The following LRRC37A2 variants were observed in gnomAD, a reference collection of about 807,000 sequenced individuals.
The protein encoded by LRRC37A2 is leucine-rich repeat-containing protein 37A2.
A neutral mutation model predicts 68.8 loss-of-function variants in LRRC37A2; 9 were observed. The ratio of observed to expected loss-of-function variants is 0.13; its 90% confidence interval spans 0.08 to 0.23. The LOEUF (loss-of-function observed/expected upper bound fraction) is 0.23. LRRC37A2 is among the 10% of genes least tolerant of loss of function. The pLI is 1.00. For synonymous variants in LRRC37A2, 63 were observed against 367.6 expected (o/e 0.17, Z 9.48); for missense variants, 168 against 950.4 (o/e 0.18, Z 10.82).
chr17:46,493,611 C>G, the LRRC37A2 span, among the ~76,000 whole-genome samples: 1 of 148,386 alleles, frequency 6.7e-6, no homozygotes, highest in Non-Finnish European at 1.5e-5. Flanking sequence ...GATCTTGACT[C>G]ACTGCAAGCT....
At chr17:46,832,476 C>T in the LRRC37A2 span, among the ~76,000 whole-genome samples, 1 of 152,130 alleles carries the variant, frequency 6.6e-6, no homozygotes, top group East Asian at 1.9e-4. Flanking sequence ...TGCCAGGAAA[C>T]GGCCAGGCAG....
chr17:46,492,637 T>C, the LRRC37A2 span, among the ~76,000 whole-genome samples: 3 of 150,320 alleles, frequency 2.0e-5, no homozygotes, highest in Non-Finnish European at 4.4e-5. Context: ...TATGAAGAGT[T>C]CCGGTTGCTC....
the LRRC37A2 span, among the ~76,000 whole-genome samples, chr17:46,968,026 A>G: frequency 1.3e-5 from 2 of 152,076 alleles, no homozygotes; most frequent in Non-Finnish European, 2.9e-5. Context: ...CTCTTACAGA[A>G]TCAGGACCCT....
At chr17:46,791,586 C>T in the LRRC37A2 span, among the ~76,000 whole-genome samples, 5 of 152,238 alleles carry the variant, frequency 3.3e-5, no homozygotes, top group Admixed American at 1.3e-4. Flanking sequence ...TCCTTCCCCT[C>T]ACTGTGTACA....
the LRRC37A2 span, among the ~76,000 whole-genome samples, chr17:46,826,781 C>CTTTT: frequency 6.8e-5 from 8 of 117,682 alleles, no homozygotes; most frequent in African/African-American, 9.6e-5. Flanking sequence ...ATCAGCTGCT[C>CTTTT]TTTTTTTTTT....
the LRRC37A2 span, among the ~76,000 whole-genome samples, chr17:46,782,652 G>A: frequency 1.3e-5 from 2 of 152,234 alleles, no homozygotes; most frequent in African/African-American, 4.8e-5. Flanking sequence ...GGGCATGTGT[G>A]CACACCGTGG....
At chr17:46,770,627 C>T in the LRRC37A2 span, among the ~76,000 whole-genome samples, 7 of 152,214 alleles carry the variant, frequency 4.6e-5, no homozygotes, top group Non-Finnish European at 1.5e-5. Context: ...CCTAGAGCCC[C>T]TCACCAGGAG....
At chr17:46,735,439 C>T in the LRRC37A2 span, among the ~76,000 whole-genome samples, 1 of 151,042 alleles carries the variant, frequency 6.6e-6, no homozygotes, top group Non-Finnish European at 1.5e-5. Context: ...TTCTGTAGAA[C>T]TTACTCTTTG....
the LRRC37A2 span, among the ~76,000 whole-genome samples, chr17:46,697,861 GT>G: frequency 9.5e-5 from 10 of 104,906 alleles, no homozygotes; most frequent in Non-Finnish European, 1.5e-4. Context: ...GCCTGGCTAA[GT>G]TTTTGTATTT....
the LRRC37A2 span, among the ~76,000 whole-genome samples, chr17:46,488,626 A>G: frequency 8.6e-6 from 1 of 115,814 alleles, no homozygotes; most frequent in Non-Finnish European, 1.8e-5. Flanking sequence ...AATCGCTTGA[A>G]CCCAGGAGGC....
chr17:46,548,856 A>C (rs1410310126), exon 10 of LRRC37A2: 1 of 1,612,486 alleles, frequency 6.2e-7, no homozygotes, highest in Non-Finnish European at 8.5e-7. Flanking sequence ...CCTTCACCCA[A>C]GAGCATAAGG....
the LRRC37A2 span, among the ~76,000 whole-genome samples, chr17:46,824,527 G>A: frequency 1.3e-5 from 2 of 152,252 alleles, no homozygotes; most frequent in South Asian, 4.1e-4. Flanking sequence ...GGGATTACAG[G>A]CGTAAGCCCC....
At chr17:47,008,508 G>C in the LRRC37A2 span, among the ~76,000 whole-genome samples, 3 of 151,130 alleles carry the variant, frequency 2.0e-5, no homozygotes, top group African/African-American at 4.9e-5. Context: ...GCTCAGGCTG[G>C]AGTGCAGTAG....
the LRRC37A2 span, among the ~76,000 whole-genome samples, chr17:46,679,694 A>G: frequency 2.7e-5 from 4 of 147,724 alleles, no homozygotes; most frequent in East Asian, 7.8e-4. Flanking sequence ...CTCCATGTCA[A>G]AAAAAAAAAA....
At chr17:46,897,888 T>C in the LRRC37A2 span, among the ~76,000 whole-genome samples, 2 of 152,076 alleles carry the variant, frequency 1.3e-5, no homozygotes, top group Non-Finnish European at 2.9e-5. Context: ...CTGTGAACTT[T>C]CCAAAGAGGA....
the LRRC37A2 span, among the ~76,000 whole-genome samples, chr17:46,746,735 G>T: frequency 1.3e-5 from 2 of 152,176 alleles, no homozygotes; most frequent in Non-Finnish European, 2.9e-5. Flanking sequence ...GCTCCATCAT[G>T]TATTGGTTAT....
the LRRC37A2 span, among the ~76,000 whole-genome samples, chr17:47,032,332 C>T: frequency 2.0e-5 from 3 of 148,890 alleles, no homozygotes; most frequent in East Asian, 2.0e-4. Context: ...ACAACTCTTG[C>T]GATGCGGTTA....
the LRRC37A2 span, among the ~76,000 whole-genome samples, chr17:47,000,946 A>C: frequency 2.6e-5 from 4 of 152,066 alleles, no homozygotes; most frequent in African/African-American, 9.7e-5. Flanking sequence ...GACCAGCCAG[A>C]CCAATGTGGT....
chr17:46,978,496 C>T, the LRRC37A2 span: 2 of 918,018 alleles, frequency 2.2e-6, no homozygotes, highest in Admixed American at 3.2e-5. Flanking sequence ...CGCGCCCCCG[C>T]CGACAGTCTC....
Sources: allele counts gnomAD v4.1 joint callset (sites outside exome capture counted in the v4.1 genomes callset), GRCh38; gene constraint gnomAD v4.1.1; transcripts MANE v1.5; gene names NCBI Gene and HGNC (gene_info 2026-07-23, HGNC 2026-07-21).